The following ETNK1 variants were observed in gnomAD, a reference collection of about 807,000 sequenced individuals.
The protein encoded by ETNK1 is putative protein product of Nbla10396.
A neutral mutation model predicts 45.1 loss-of-function variants in ETNK1; 8 were observed. The observed-to-expected ratio is 0.18, with a 90% CI of 0.10 to 0.32. The LOEUF is 0.32. Among genes scored for constraint, ETNK1 ranks in the 10% least tolerant of loss-of-function variants. The pLI is 1.00. For synonymous variants in ETNK1, 152 were observed against 151.9 expected, an observed-to-expected ratio of 1.00 and a Z score of -0.01; for missense variants, 302 against 430.6, an observed-to-expected ratio of 0.70 and a Z score of 2.64.
chr12:22,647,276 A>T (rs936027341), intron 2 of ETNK1, among the ~76,000 whole-genome samples: 1 of 151,926 alleles, frequency 6.6e-6, no homozygotes, highest in South Asian at 2.1e-4. Flanking sequence ...AGTAACAGAC[A>T]TAATGGAAGA....
intron 2 of ETNK1, among the ~76,000 whole-genome samples, chr12:22,653,105 T>A (rs1953898754): frequency 6.6e-6 from 1 of 152,138 alleles, no homozygotes; most frequent in South Asian, 2.1e-4. Flanking sequence ...ATTGTTCTTC[T>A]TTTCCCGTTG....
At chr12:22,626,944 T>C (rs1953509825) in intron 1 of ETNK1, among the ~76,000 whole-genome samples, 4 of 152,170 alleles carry the variant, frequency 2.6e-5, no homozygotes, top group Admixed American at 2.6e-4. Context: ...GACTCTAAAA[T>C]TTATTAAGAT....
At chr12:22,655,345 T>G (rs1010295546) in intron 2 of ETNK1, among the ~76,000 whole-genome samples, 28 of 148,960 alleles carry the variant, frequency 1.9e-4, no homozygotes, top group Non-Finnish European at 3.4e-4. Flanking sequence ...TTTTTTTTTT[T>G]TTTTTTTCGA....
At chr12:22,658,961 A>G (rs1253132117) in intron 2 of ETNK1, 53 bp from the exon 3 acceptor site, 9 of 1,558,030 alleles carry the variant, frequency 5.8e-6, no homozygotes, top group East Asian at 2.3e-5. Flanking sequence ...GTCAGGAGAC[A>G]TGACCTTTAT....
At position 22,662,056 on chromosome 12, in the gene ETNK1, A is replaced by C. The variant is rs1420388143; in HGVS notation, c.700+851A>C. 1.6e-3 allele frequency among the ~76,000 whole-genome samples: 205 copies of C among 124,440 alleles called. 3 individuals are homozygous for C. The highest frequency in any genetic ancestry group is 7.8e-3 in the Middle Eastern group (2 of 258). 81.6% of individuals were successfully genotyped at this position (124,440 alleles called of 152,430 possible). ...ATTTTATAGGAAACTAGTTCCCCGC[A>C]CCCCCCCCCCCTTTTTTTTTCCTTT... On this transcript the variant is annotated intron_variant, in intron 4 of 7. Coordinates refer to ENST00000266517, the MANE Select transcript of ETNK1 (RefSeq NM_018638.5).
intron 2 of ETNK1, among the ~76,000 whole-genome samples, chr12:22,657,827 A>G (rs1027077129): frequency 2.0e-5 from 3 of 152,224 alleles, no homozygotes; most frequent in African/African-American, 7.2e-5. Flanking sequence ...TAAGAGTGAT[A>G]GAAGTTTCTC....
chr12:22,664,712 G>C (rs904741223), intron 4 of ETNK1, among the ~76,000 whole-genome samples: 44 of 152,060 alleles, frequency 2.9e-4, no homozygotes, highest in Admixed American at 5.2e-4. Context: ...TTGAGATTAA[G>C]ATAATTTCCA....
intron 4 of ETNK1, among the ~76,000 whole-genome samples, chr12:22,668,322 G>A (rs1374198543): frequency 6.6e-6 from 1 of 152,244 alleles, no homozygotes; most frequent in Non-Finnish European, 1.5e-5. Flanking sequence ...CGAAATTTTA[G>A]AAATCAGAAG....
chr12:22,645,971 A>C (rs1953802597), intron 2 of ETNK1, among the ~76,000 whole-genome samples: 5 of 151,816 alleles, frequency 3.3e-5, no homozygotes, highest in Admixed American at 3.3e-4. Context: ...AATACTCTGA[A>C]TTCTTTGACA....
At position 22,687,340 on chromosome 12, in the gene ETNK1, T is replaced by C. The variant is rs1254646579; in HGVS notation, c.*2386T>C. 6.6e-6 allele frequency: 1 copy of C among 152,274 alleles called. No individual in the cohort carries two copies. Among genetic ancestry groups the C allele is most frequent in the Non-Finnish European group, 1.5e-5 (1 of 67,794 alleles). 9.4% of individuals were successfully genotyped at this position (152,274 alleles called of 1,614,324 possible). On this transcript the variant is annotated 3_prime_UTR_variant, in exon 8 of 8. Coordinates refer to ENST00000266517, the MANE Select transcript of ETNK1 (RefSeq NM_018638.5). Reference sequence around the variant, plus strand: ...TCTGAAATCATCCCTCTAAAATCTGTCCTGTGGTGTGCTAAGATGTCTGTT... The same window carrying C: ...TCTGAAATCATCCCTCTAAAATCTGCCCTGTGGTGTGCTAAGATGTCTGTT...
At chr12:22,638,358 TCTC>T in intron 1 of ETNK1, 1 of 152,078 alleles carries the variant, frequency 6.6e-6, no homozygotes, top group East Asian at 1.9e-4. Flanking sequence ...TTTAAATGAT[TCTC>T]CTGCCTCAGC....
At chr12:22,668,331 AGT>A (rs1954074884) in intron 4 of ETNK1, among the ~76,000 whole-genome samples, 2 of 152,238 alleles carry the variant, frequency 1.3e-5, no homozygotes, top group Non-Finnish European at 1.5e-5. Context: ...AGAAATCAGA[AGT>A]TAAATTTATA....
At chr12:22,675,794 G>A (rs1293514608) in intron 6 of ETNK1, among the ~76,000 whole-genome samples, 12 of 151,842 alleles carry the variant, frequency 7.9e-5, no homozygotes, top group Non-Finnish European at 1.8e-4. Flanking sequence ...TTCAGTAGAA[G>A]GTCTGATTAA....
At chr12:22,643,651 G>T in intron 1 of ETNK1, 112 bp from the exon 2 acceptor site, 1 of 706,936 alleles carries the variant, frequency 1.4e-6, no homozygotes. Context: ...TTTATGTGAA[G>T]AAGTTGGTGT....
chr12:22,633,878 G>T (rs1265910043), intron 1 of ETNK1, among the ~76,000 whole-genome samples: 1 of 151,938 alleles, frequency 6.6e-6, no homozygotes, highest in African/African-American at 2.4e-5. Context: ...TTTTTATGTA[G>T]ATTATTTTGT....
intron 1 of ETNK1, among the ~76,000 whole-genome samples, chr12:22,627,589 T>A (rs1953519297): frequency 6.6e-6 from 1 of 152,122 alleles, no homozygotes; most frequent in Non-Finnish European, 1.5e-5. Context: ...GTTCAGAATT[T>A]CTTTAGTAAA....
chr12:22,673,817 T>A (rs17349043), intron 6 of ETNK1, among the ~76,000 whole-genome samples, 157 bp downstream of exon 6: 35,118 of 152,170 alleles, frequency 0.23, 4,916 homozygotes, highest in Non-Finnish European at 0.33. Context: ...ATTACCCCAT[T>A]GCATTAGTTT....
At chr12:22,639,662 CTG>C (rs1201453568) in intron 1 of ETNK1, among the ~76,000 whole-genome samples, 4 of 149,674 alleles carry the variant, frequency 2.7e-5, no homozygotes, top group African/African-American at 7.6e-5. Flanking sequence ...GGGCAAAAGA[CTG>C]AGACTCTCAA....
chr12:22,647,848 T>C (rs1421362209), intron 2 of ETNK1, among the ~76,000 whole-genome samples: 2 of 151,968 alleles, frequency 1.3e-5, no homozygotes, highest in Non-Finnish European at 2.9e-5. Flanking sequence ...CATTTGGCTT[T>C]AACGAGTATG....
Sources: gnomAD v4.1 joint callset for allele counts (sites outside exome capture counted in the v4.1 genomes callset) on GRCh38, gnomAD v4.1.1 for gene constraint, MANE v1.5 for transcripts, NCBI Gene and HGNC (gene_info 2026-07-23, HGNC 2026-07-21) for gene names.